Variants in PEX10 observed in about 807,000 individuals in gnomAD.
The protein encoded by PEX10 is peroxisomal biogenesis factor 10, also known as peroxisome biogenesis factor 10.
In PEX10, 32 loss-of-function variants were observed where a neutral mutation model predicts 38.0. The observed-to-expected ratio is 0.84, with a 90% CI of 0.63 to 1.13. The LOEUF is 1.13. Among genes scored for constraint, PEX10 ranks in the 50% most tolerant of loss-of-function variants. PEX10 has a pLI of 0.00. For synonymous variants in PEX10, 206 were observed against 207.3 expected (o/e 0.99, Z 0.05); for missense variants, 483 against 457.7 (o/e 1.06, Z -0.51).
At chr1:2,407,142 AAG>A (rs1456090948) in intron 3 of PEX10, among the ~76,000 whole-genome samples, 3 of 152,240 alleles carry the variant, frequency 2.0e-5, no homozygotes, top group African/African-American at 7.2e-5. Flanking sequence ...CCAGTGCAGA[AAG>A]AGTCTTAGCT....
In PEX10 at chr1:2,408,517, C is replaced by A. The variant is rs1026741885; in HGVS notation, c.535G>T (p.Val179Phe). The stretch of plus-strand genomic sequence containing the variant: ...ACACCGTGGATGTAAAACCAGGCAA[C>A]ATGTAGCCGCTGGAGGCAGGCGAGG... Reference protein sequence around the residue: ...QGLACLQRLHVAWFYIHGVFY... With the variant: ...QGLACLQRLHFAWFYIHGVFY... The change falls in exon 3 of 6, where the codon GTT becomes TTT. Residue 179 changes from valine to phenylalanine, a missense_variant. Transcript: ENST00000447513. 6.2e-7 allele frequency: 1 copy of A among 1,612,832 alleles called. No individual in the cohort carries two copies. The highest frequency in any genetic ancestry group is 1.3e-5 in the African/African-American group (1 of 74,936).
At chr1:2,407,005 TCTCA>T (rs1643033450) in intron 3 of PEX10, 110 bp from the exon 4 acceptor site, 1 of 1,448,922 alleles carries the variant, frequency 6.9e-7, no homozygotes, top group Admixed American at 2.0e-5. Flanking sequence ...GAACCAGGCC[TCTCA>T]CTGGCATGGG....
chr1:2,407,861 G>T (rs1643061129), intron 3 of PEX10, among the ~76,000 whole-genome samples: 1 of 152,152 alleles, frequency 6.6e-6, no homozygotes, highest in African/African-American at 2.4e-5. Flanking sequence ...CTAACGCTGT[G>T]GCAGGTGGAC....
At position 2,404,308 on chromosome 1, in the gene PEX10, G is replaced by C. The variant is rs1201656141; in HGVS notation, c.*1458C>G. 1 of 152,278 alleles carries C rather than the reference G, an allele frequency of 6.6e-6. No homozygotes were observed. Among genetic ancestry groups the C allele is most frequent in the Admixed American group, 6.5e-5 (1 of 15,280 alleles). 9.4% of individuals were successfully genotyped at this position (152,278 alleles called of 1,614,324 possible). A position where few individuals can be genotyped will look rare whatever the true frequency, so the allele number is the denominator to read the frequency against. On this transcript the variant is annotated 3_prime_UTR_variant, in exon 6 of 6. Coordinates refer to ENST00000447513, the MANE Select transcript of PEX10 (RefSeq NM_002617.4). ...TCAAGCTTGTGTGTCCCTGACCCAA[G>C]ATAGCCAGTGCTGCTCCCAGGTGGT...
upstream of PEX10, among the ~76,000 whole-genome samples, chr1:2,412,845 C>T (rs1218374146): frequency 6.6e-6 from 1 of 152,142 alleles, no homozygotes; most frequent in Admixed American, 6.5e-5. Context: ...TTGCTGCGAC[C>T]TCGGGGTCCT....
rs746952615 is a variant in PEX10, at chr1:2,408,785, C to T, written c.267G>A (p.Ser89=). 8.7e-6 allele frequency: 14 copies of T among 1,613,904 alleles called. No individual in the cohort carries two copies. In the African/African-American group the frequency reaches 1.1e-4, roughly 12 times the overall value. Residue 89 remains serine, a synonymous_variant, in exon 3 of 6, where the codon TCG becomes TCA. Transcript: ENST00000447513. ...VDPSRIHVPS[S]LRRGVLVTLH... is the part of the protein sequence containing the mutation. ...GTGTCACCAGCACGCCACGGCGCAGCGAGGAGGGCACATGTATCCGCGATG... is the reference window on the plus strand; with the variant it reads ...GTGTCACCAGCACGCCACGGCGCAGTGAGGAGGGCACATGTATCCGCGATG...
chr1:2,413,777 C>T (rs1387084540), upstream of PEX10: 1 of 152,344 alleles, frequency 6.6e-6, no homozygotes, highest in Non-Finnish European at 1.5e-5. Context: ...CTGGTTCCAT[C>T]TACAGGAGCT....
Position 2,408,773 on chromosome 1 carries a change from G to A in PEX10, c.279C>T (p.Gly93=), listed in dbSNP as rs1143016. The A allele has an allele frequency of 0.06, 96,655 of 1,613,860 alleles. 3,773 individuals carry two copies. Among genetic ancestry groups the A allele is most frequent in the Non-Finnish European group, 0.065 (76,940 of 1,179,842 alleles). The change falls in exon 3 of 6, where the codon GGC becomes GGT. Residue 93 remains glycine (G), a synonymous_variant. Transcript: ENST00000447513. ...RIHVPSSLRR[G]VLVTLHAVLP... ...GGACGGCATGCAGTGTCACCAGCAC[G>A]CCACGGCGCAGCGAGGAGGGCACAT...
At chr1:2,406,084 G>A (rs1642992694) in intron 5 of PEX10, among the ~76,000 whole-genome samples, 1 of 152,168 alleles carries the variant, frequency 6.6e-6, no homozygotes, top group African/African-American at 2.4e-5. Context: ...TGCTCCCGCA[G>A]CTGACACAGC....
upstream of PEX10, chr1:2,413,454 T>A (rs946514888): frequency 1.3e-5 from 2 of 152,244 alleles, no homozygotes; most frequent in Non-Finnish European, 2.9e-5. Flanking sequence ...CCCCAGCCGC[T>A]GGCCACAGCT....
In PEX10 at chr1:2,403,989, C is replaced by G. The variant is rs1485862624; in HGVS notation, c.*1777G>C. 6.6e-6 allele frequency: 1 copy of G among 152,232 alleles called. No homozygotes were observed. Among genetic ancestry groups the G allele is most frequent in the Non-Finnish European group, 1.5e-5 (1 of 68,032 alleles). 9.4% of individuals were successfully genotyped at this position (152,232 alleles called of 1,614,324 possible). On this transcript the variant is annotated 3_prime_UTR_variant, in exon 6 of 6. Transcript: ENST00000447513. ...TTTTACCAAGTGATTTTACCTCCAC[C>G]TTTACTAAAGTCTTTACCTAAAACA...
rs750769868 is a variant in PEX10 at position 2,406,738 on chromosome 1, C to T, written c.758G>A (p.Arg253His). 3.4e-5 allele frequency: 55 copies of T among 1,608,310 alleles called. 1 individual carries two copies. Among genetic ancestry groups the T allele is most frequent in the South Asian group, 2.9e-4 (26 of 90,420 alleles). Residue 253 changes from arginine (R) to histidine (H), a missense_variant, in exon 4 of 6, where the codon CGC becomes CAC. By Grantham distance (29) the Arg-to-His change is conservative. Transcript: ENST00000447513. ...CACGCACCTGCGGTGAGACAGGCCG[C>T]GGTGCAGCCTCCACTCCTTCCTGGC... The part of the protein sequence containing the change: ...QRARKEWRLH[R>H]GLSHRRASLE...
chr1:2,413,434 A>T (rs933660924), upstream of PEX10, among the ~76,000 whole-genome samples: 14 of 152,184 alleles, frequency 9.2e-5, no homozygotes, highest in African/African-American at 3.4e-4. Context: ...CCTGGAGGGG[A>T]CAGAACCTTC....
At position 2,412,511 on chromosome 1, in the gene PEX10, G is replaced by A. The variant is rs1406863106; in HGVS notation, c.-9C>T. On this transcript the variant is annotated 5_prime_UTR_variant, in exon 1 of 6. Coordinates refer to ENST00000447513, the MANE Select transcript of PEX10 (RefSeq NM_002617.4). ...GCGGCGGCCGGGGCCATGGCCGCGG[G>A]TTCGGGTGGTCCCGAGCAGCCACGC... 8.9e-6 allele frequency: 12 copies of A among 1,349,842 alleles called. No homozygotes were observed. In the East Asian group the frequency reaches 3.8e-4, roughly 42 times the overall value. 83.6% of individuals were successfully genotyped at this position (1,349,842 alleles called of 1,614,324 possible). A position where few individuals can be genotyped will look rare whatever the true frequency, so the allele number is the denominator to read the frequency against.
At position 2,406,864 on chromosome 1, in the gene PEX10, A is replaced by G; in HGVS notation, c.632T>C (p.Leu211Pro). ...LRVRSLPGED[L>P]RARVSYRLLG... ...CAGCCTGTAGCTAACACGGGCCCTCAGGTCCTCTCCGGGCAGGCTGCGGAC... is the reference window on the plus strand; with the variant it reads ...CAGCCTGTAGCTAACACGGGCCCTCGGGTCCTCTCCGGGCAGGCTGCGGAC... Residue 211 changes from leucine to proline, a missense_variant, in exon 4 of 6, where the codon CTG (leucine) becomes CCG (proline). Transcript: ENST00000447513. The G allele has an allele frequency of 6.2e-7, 1 of 1,609,606 alleles. No homozygotes were observed. The highest frequency in any genetic ancestry group is 8.5e-7 in the Non-Finnish European group (1 of 1,178,302).
intron 5 of PEX10, 125 bp downstream of exon 5, chr1:2,406,359 C>G: frequency 1.5e-6 from 2 of 1,302,714 alleles, no homozygotes; most frequent in Non-Finnish European, 2.2e-6. Context: ...TAAAAAGATG[C>G]CCACCTCTGT....
intron 3 of PEX10, 122 bp from the exon 4 acceptor site, chr1:2,407,017 G>T: frequency 7.3e-7 from 1 of 1,367,954 alleles, no homozygotes; most frequent in Non-Finnish European, 1.0e-6. Flanking sequence ...TCACTGGCAT[G>T]GGGAGTGCCC....
At chr1:2,412,692 AGCGCAGC>A (rs1643297689), upstream of PEX10, 2 of 378,990 alleles carry the variant, frequency 5.3e-6, no homozygotes, top group South Asian at 2.4e-4. Flanking sequence ...AGTCCGAACC[AGCGCAGC>A]GCGGGGCGGG....
In PEX10 at chr1:2,405,225, G is replaced by C. The variant is rs1394409962; in HGVS notation, c.*541C>G. ...CTGCCCCGTGTGGTCATCAAGTCCT[G>C]GGGGATGTGCTCTGCCCAGCCGCCC... is the stretch of plus-strand genomic sequence containing the variant. On this transcript the variant is annotated 3_prime_UTR_variant, in exon 6 of 6. Transcript: ENST00000447513. 4.3e-6 allele frequency: 1 copy of C among 233,884 alleles called. No homozygotes were observed. Among genetic ancestry groups the C allele is most frequent in the East Asian group, 1.1e-4 (1 of 8,730 alleles). 14.5% of individuals were successfully genotyped at this position (233,884 alleles called of 1,614,324 possible).
Sources: allele counts gnomAD v4.1 joint callset (sites outside exome capture counted in the v4.1 genomes callset), GRCh38; gene constraint gnomAD v4.1.1; transcripts MANE v1.5; gene names NCBI Gene and HGNC (gene_info 2026-07-23, HGNC 2026-07-21).